SLC47A1: variants seen among roughly 807,000 people sequenced by gnomAD.
SLC47A1 encodes the protein multidrug and toxin extrusion protein 1.
In SLC47A1, 58 loss-of-function variants were observed where a neutral mutation model predicts 65.8. The observed-to-expected ratio is 0.88, with a 90% CI of 0.71 to 1.10. The LOEUF (loss-of-function observed/expected upper bound fraction) is 1.10, where lower values mean the gene tolerates loss of function less well. Ranked by LOEUF, SLC47A1 falls within the 50% of genes least tolerant of loss-of-function variation. The pLI is 0.00. For synonymous variants in SLC47A1, 285 were observed against 295.0 expected (o/e 0.97, Z 0.35); for missense variants, 706 against 719.2 (o/e 0.98, Z 0.21).
At chr17:19,549,926 T>C (rs1171964742) in intron 5 of SLC47A1, among the ~76,000 whole-genome samples, 3 of 152,242 alleles carry the variant, frequency 2.0e-5, no homozygotes, top group Admixed American at 1.3e-4. Context: ...GAATCATCCA[T>C]GGAGAAGAGT....
chr17:19,548,150 C>T lies in SLC47A1; in HGVS notation c.455+17C>T, dbSNP rs376463849. ...TGTGTCCAGGTAAGATGGAACCTGTCGCAGCGGGACTTGGCGTCCATCCCA... is the reference window on the plus strand; with the variant it reads ...TGTGTCCAGGTAAGATGGAACCTGTTGCAGCGGGACTTGGCGTCCATCCCA... On this transcript the variant is annotated intron_variant, in intron 4 of 16. Transcript: ENST00000270570. 1.2e-5 allele frequency: 20 copies of T among 1,601,274 alleles called. No individual in the cohort carries two copies. The highest frequency in any genetic ancestry group is 6.7e-5 in the East Asian group (3 of 44,580).
intron 4 of SLC47A1, 81 bp from the exon 5 acceptor site, chr17:19,549,554 G>A: frequency 7.0e-7 from 1 of 1,423,350 alleles, no homozygotes; most frequent in Admixed American, 1.7e-5. Flanking sequence ...GGCAGTTTTA[G>A]TTATTTTCTT....
At chr17:19,571,601 G>T (rs774260420) in intron 15 of SLC47A1, 29 bp downstream of exon 15, 5 of 1,567,784 alleles carry the variant, frequency 3.2e-6, no homozygotes, top group Non-Finnish European at 4.4e-6. Flanking sequence ...TCCCGGTAAA[G>T]GTTCCTCTCC....
At chr17:19,570,939 G>A (rs1197696528) in intron 14 of SLC47A1, 1 of 152,326 alleles carries the variant, frequency 6.6e-6, no homozygotes, top group Admixed American at 6.5e-5. Flanking sequence ...GTGTTCTCCA[G>A]TCATCTGTAG....
chr17:19,543,934 G>GTA (rs1423974012), intron 2 of SLC47A1, among the ~76,000 whole-genome samples: 2 of 152,140 alleles, frequency 1.3e-5, no homozygotes, highest in African/African-American at 2.4e-5. Flanking sequence ...CTAGCTATGA[G>GTA]TATATATGGC....
intron 10 of SLC47A1, among the ~76,000 whole-genome samples, chr17:19,558,593 C>T (rs2152315071): frequency 6.6e-6 from 1 of 152,182 alleles, no homozygotes; most frequent in East Asian, 1.9e-4. Context: ...GCTGGGACTA[C>T]AGGCATGCAC....
At chr17:19,567,328 C>A in intron 14 of SLC47A1, 100 bp downstream of exon 14, 1 of 1,527,510 alleles carries the variant, frequency 6.5e-7, no homozygotes, top group Non-Finnish European at 9.0e-7. Flanking sequence ...CTCTGAAACT[C>A]GGGAGCTCGC....
rs1166557020 is a variant in SLC47A1 at position 19,571,511 on chromosome 17, T to C, written c.1343T>C (p.Phe448Ser). ...TCAGGGATCATCATCTGTACAGTCT[T>C]TCAAGCTGTGTGTTTTCTAGGCTTT... is the stretch of plus-strand genomic sequence containing the variant. ...LWSGIIICTVFQAVCFLGFII... is the reference protein window; with the variant it reads ...LWSGIIICTVSQAVCFLGFII... The change falls in exon 15 of 17, where the codon TTT (phenylalanine) becomes TCT (serine). Residue 448 changes from phenylalanine to serine, a missense_variant. Transcript: ENST00000270570. The C allele has an allele frequency of 2.5e-6, 4 of 1,614,022 alleles. No individual in the cohort carries two copies. Among genetic ancestry groups the C allele is most frequent in the Non-Finnish European group, 3.4e-6 (4 of 1,180,014 alleles).
chr17:19,564,784 G>C (rs145250361), intron 12 of SLC47A1, among the ~76,000 whole-genome samples: 3 of 152,006 alleles, frequency 2.0e-5, no homozygotes, highest in African/African-American at 7.3e-5. Context: ...GCAATGGCAC[G>C]ATCTCGGCTC....
intron 6 of SLC47A1, among the ~76,000 whole-genome samples, chr17:19,553,539 T>C (rs1266573717): frequency 8.1e-6 from 1 of 123,550 alleles, no homozygotes; most frequent in Non-Finnish European, 1.6e-5. Context: ...ATTCATTTCT[T>C]TCTTCCTTTT....
intron 1 of SLC47A1, among the ~76,000 whole-genome samples, chr17:19,541,530 A>G (rs1052759783): frequency 4.6e-5 from 7 of 152,284 alleles, no homozygotes; most frequent in African/African-American, 1.4e-4. Flanking sequence ...GAATGGTTCA[A>G]TATTCCAGAA....
chr17:19,564,003 T>G (rs1319321648), intron 12 of SLC47A1, among the ~76,000 whole-genome samples: 1 of 147,520 alleles, frequency 6.8e-6, no homozygotes, highest in African/African-American at 2.5e-5. Flanking sequence ...AAAAAAAAAA[T>G]GTTATTAGAC....
At chr17:19,540,337 C>T (rs905253883) in intron 1 of SLC47A1, among the ~76,000 whole-genome samples, 6 of 152,118 alleles carry the variant, frequency 3.9e-5, no homozygotes, top group Non-Finnish European at 8.8e-5. Flanking sequence ...CGTGATGTTC[C>T]GTGGGAAAGG....
chr17:19,551,531 G>A (rs1916447846), intron 6 of SLC47A1, 63 bp downstream of exon 6: 11 of 1,459,572 alleles, frequency 7.5e-6, no homozygotes, highest in South Asian at 1.1e-5. Context: ...CTGGGAATGG[G>A]GGCCCTGAAG....
chr17:19,555,728 G>A, intron 8 of SLC47A1, 38 bp downstream of exon 8: 1 of 1,613,650 alleles, frequency 6.2e-7, no homozygotes. Context: ...TGGGATGTGG[G>A]TTTTGTCTCA....
intron 12 of SLC47A1, among the ~76,000 whole-genome samples, chr17:19,563,774 G>T (rs2084334323): frequency 1.4e-5 from 2 of 144,586 alleles, no homozygotes; most frequent in African/African-American, 5.1e-5. Flanking sequence ...AGATCACGAG[G>T]TCAGGAGATC....
intron 5 of SLC47A1, among the ~76,000 whole-genome samples, 163 bp from the exon 6 acceptor site, chr17:19,551,261 C>G (rs1292579606): frequency 6.6e-6 from 1 of 152,224 alleles, no homozygotes; most frequent in Non-Finnish European, 1.5e-5. Flanking sequence ...TGGGCCATAA[C>G]ACCCTGGCCC....
Position 19,548,779 on chromosome 17 carries a change from G to A in SLC47A1, c.455+646G>A, listed in dbSNP as rs547472949. Among the ~76,000 whole-genome samples, 215 of 152,278 alleles carry A rather than the reference G, an allele frequency of 1.4e-3. 1 individual carries two copies. The highest frequency in any genetic ancestry group is 4.5e-3 in the African/African-American group (188 of 41,572). On this transcript the variant is annotated intron_variant, in intron 4 of 16. Coordinates refer to ENST00000270570, the MANE Select transcript of SLC47A1 (RefSeq NM_018242.3). ...CCTCCCAAAGTGCATGAGCCACCAT[G>A]CCCGGCCAGGATTCTCTTTTAATTG...
Position 19,542,470 on chromosome 17 carries a change from G to A in SLC47A1, c.213G>A (p.Leu71=), listed in dbSNP as rs770193866. The A allele has an allele frequency of 1.2e-6, 2 of 1,612,754 alleles. No homozygotes were observed. The highest frequency in any genetic ancestry group is 2.2e-5 in the South Asian group (2 of 90,868). Residue 71 remains leucine, a synonymous_variant, in exon 2 of 17, where the codon CTG becomes CTA. Transcript: ENST00000270570. ...VFCGHLGKLE[L]DAVTLAIAVI... ...GTGGCCACCTGGGCAAGCTGGAGCT[G>A]GATGCAGTCACGCTGGCAATCGCGG...
Sources: gnomAD v4.1 joint callset for allele counts (sites outside exome capture counted in the v4.1 genomes callset) on GRCh38, gnomAD v4.1.1 for gene constraint, MANE v1.5 for transcripts, NCBI Gene and HGNC (gene_info 2026-07-23, HGNC 2026-07-21) for gene names.